The following NADSYN1 variants were observed in gnomAD, a reference collection of about 807,000 sequenced individuals.
The protein encoded by NADSYN1 is glutamine-dependent NAD(+) synthetase.
In NADSYN1, 80 loss-of-function variants were observed where a neutral mutation model predicts 99.3. That is an observed-to-expected ratio of 0.81 (90% confidence interval 0.67 to 0.97). The LOEUF is 0.97. NADSYN1 is among the 50% of genes least tolerant of loss of function. The probability of loss-of-function intolerance (pLI) is 0.00; values close to 1 mark genes in which losing one functional copy is unlikely to be tolerated. For synonymous variants in NADSYN1, 385 were observed against 372.1 expected (o/e 1.03, Z -0.40); for missense variants, 859 against 948.5 (o/e 0.91, Z 1.24).
rs76770512 is a variant in NADSYN1, at chr11:71,480,805, G to T, written c.924G>T (p.Ser308=). The change falls in exon 11 of 21, where the codon TCG becomes TCT. Residue 308 remains serine, a synonymous_variant. Transcript: ENST00000319023. ...YPRVKVDFAL[S]CHEDLLAPIS... ...GAGTGAAGGTGGACTTTGCCCTCTC[G>T]TGCCACGAGGACTTGCTGGCACCCA... 2.5e-6 allele frequency: 4 copies of T among 1,614,158 alleles called. No homozygotes were observed. The highest frequency in any genetic ancestry group is 2.2e-5 in the South Asian group (2 of 91,088).
At position 71,473,650 on chromosome 11, in the gene NADSYN1, C is replaced by A; in HGVS notation, c.630C>A (p.Asn210Lys). 1 of 1,613,162 alleles carries A rather than the reference C, an allele frequency of 6.2e-7. No individual in the cohort carries two copies. The highest frequency in any genetic ancestry group is 2.2e-5 in the East Asian group (1 of 44,884). ...SGSHQVLRKA[N>K]TRVDLVTMVT... ...GCCACCAAGTGCTGCGCAAAGCCAA[C>A]ACCAGGGTGGATCTCGTGACTATGG... The change falls in exon 8 of 21, where the codon AAC becomes AAA. Residue 210 changes from asparagine to lysine, a missense_variant. By Grantham distance (94) the Asn-to-Lys change is moderately conservative (BLOSUM62 0). Transcript: ENST00000319023.
intron 13 of NADSYN1, 114 bp downstream of exon 13, chr11:71,482,139 A>AG: frequency 1.1e-6 from 1 of 929,232 alleles, no homozygotes; most frequent in Non-Finnish European, 1.6e-6. Context: ...ATCGGGGTGA[A>AG]GGGGGCTTTG....
intron 15 of NADSYN1, 50 bp downstream of exon 15, chr11:71,484,497 C>T: frequency 8.9e-6 from 14 of 1,574,496 alleles, no homozygotes; most frequent in Middle Eastern, 1.8e-4. Context: ...GCAGGGAGCA[C>T]TGGGACAATC....
At chr11:71,494,547 T>C (rs1354859446) in intron 18 of NADSYN1, among the ~76,000 whole-genome samples, 4 of 151,892 alleles carry the variant, frequency 2.6e-5, no homozygotes, top group African/African-American at 9.7e-5. Flanking sequence ...TCTTTTGTTT[T>C]GTTTTGTTTT....
In NADSYN1 at chr11:71,473,175, A is replaced by C. The variant is rs546121848; in HGVS notation, c.460-103A>C. 1.5e-4 allele frequency: 170 copies of C among 1,121,494 alleles called. 2 individuals carry two copies. In the South Asian group the frequency reaches 2.1e-3, roughly 14 times the overall value. The allele number at this position is 1,121,494 out of a possible 1,614,324, so 69.5% of individuals were successfully genotyped here. A position where few individuals can be genotyped will look rare whatever the true frequency, so the allele number is the denominator to read the frequency against. ...CGGAATGTGCGAGAGCCCAGAGCCA[A>C]CTCCAGCTCTTGTGGCTGCAGGATG... is the stretch of plus-strand genomic sequence containing the variant. On this transcript the variant is annotated intron_variant, in intron 6 of 20. Transcript: ENST00000319023.
At position 71,481,991 on chromosome 11, in the gene NADSYN1, G is replaced by A; in HGVS notation, c.1116G>A (p.Met372Ile). The change falls in exon 13 of 21, where the codon ATG becomes ATA. Residue 372 changes from methionine (M) to isoleucine (I), a missense_variant. Physicochemically the swap from Met to Ile is conservative, Grantham distance 10. Transcript: ENST00000319023. ...CCACCGCCTGCCTCATCTACTCCAT[G>A]TGCTGCCAGGTCTGCGAGGCCGTGA... ...SAATACLIYS[M>I]CCQVCEAVRS... The A allele has an allele frequency of 6.2e-7, 1 of 1,612,606 alleles. No homozygotes were observed. Among genetic ancestry groups the A allele is most frequent in the Non-Finnish European group, 8.5e-7 (1 of 1,179,370 alleles).
chr11:71,492,001 G>GTT, intron 18 of NADSYN1, 98 bp downstream of exon 18: 1 of 1,015,614 alleles, frequency 9.8e-7, no homozygotes, highest in Non-Finnish European at 1.4e-6. Flanking sequence ...CCCCAGGACA[G>GTT]CTGCATCGCT....
rs934374377 is a variant in NADSYN1 at position 71,501,472 on chromosome 11, C to T, written c.*120C>T. 1.2e-5 allele frequency: 11 copies of T among 904,848 alleles called. No individual in the cohort carries two copies. Among genetic ancestry groups the T allele is most frequent in the South Asian group, 3.2e-5 (2 of 62,510 alleles). 56.1% of individuals were successfully genotyped at this position (904,848 alleles called of 1,614,324 possible). On this transcript the variant is annotated 3_prime_UTR_variant, in exon 21 of 21. Coordinates refer to ENST00000319023, the MANE Select transcript of NADSYN1 (RefSeq NM_018161.5). ...GCCCAGGATGGGACGGCGCATCAGC[C>T]GAGAGGGAGGGAACTTTTCAGTCAA...
rs1949641144 is a variant in NADSYN1 at position 71,473,312 on chromosome 11, C to T, written c.494C>T (p.Thr165Ile). 1 of 1,614,234 alleles carries T rather than the reference C, an allele frequency of 6.2e-7. No individual in the cohort carries two copies. The highest frequency in any genetic ancestry group is 8.5e-7 in the Non-Finnish European group (1 of 1,180,042). Residue 165 changes from threonine to isoleucine, a missense_variant, in exon 7 of 21, where the codon ACA (threonine) becomes ATA (isoleucine). Transcript: ENST00000319023. Reference sequence around the variant, plus strand: ...CCCTTCGGAGATGCGGTGCTGGTGACATGGGACACCTGCATTGGAAGTGAG... The same window carrying T: ...CCCTTCGGAGATGCGGTGCTGGTGATATGGGACACCTGCATTGGAAGTGAG... ...TVPFGDAVLVTWDTCIGSEIC... is the reference protein window; with the variant it reads ...TVPFGDAVLVIWDTCIGSEIC...
chr11:71,456,518 T>C (rs2120388516), intron 2 of NADSYN1, among the ~76,000 whole-genome samples: 1 of 152,324 alleles, frequency 6.6e-6, no homozygotes, highest in South Asian at 2.1e-4. Flanking sequence ...ATGTCCTGTC[T>C]GCTGCTTGCC....
At chr11:71,481,075 G>T in intron 11 of NADSYN1, 196 bp downstream of exon 11, 1 of 737,476 alleles carries the variant, frequency 1.4e-6, no homozygotes, top group Non-Finnish European at 2.2e-6. Flanking sequence ...CAGCCCTGCT[G>T]CTTCCCCGTG....
rs373850512 is a variant in NADSYN1 at position 71,473,629 on chromosome 11, C to A, written c.609C>A (p.His203Gln). 1.9e-6 allele frequency: 3 copies of A among 1,613,176 alleles called. No individual in the cohort carries two copies. In the African/African-American group the frequency reaches 4.0e-5, roughly 22 times the overall value. ...VEIITNASGS[H>Q]QVLRKANTRV... ...TCATCACCAACGCCTCGGGCAGCCA[C>A]CAAGTGCTGCGCAAAGCCAACACCA... The change falls in exon 8 of 21, where the codon CAC (histidine) becomes CAA (glutamine). Residue 203 changes from histidine to glutamine, a missense_variant. Transcript: ENST00000319023.
chr11:71,484,566 C>A (rs997480085), intron 15 of NADSYN1, 119 bp downstream of exon 15: 4 of 1,400,814 alleles, frequency 2.9e-6, no homozygotes, highest in Non-Finnish European at 3.8e-6. Flanking sequence ...CTCATGGCAC[C>A]GGTTACCTAG....
intron 14 of NADSYN1, among the ~76,000 whole-genome samples, chr11:71,483,662 C>T (rs1236523557): frequency 1.3e-5 from 2 of 152,306 alleles, no homozygotes; most frequent in Non-Finnish European, 2.9e-5. Flanking sequence ...AAGCTGTCCC[C>T]ATGCCCTCCA....
At chr11:71,465,612 A>G (rs1336212027) in intron 5 of NADSYN1, among the ~76,000 whole-genome samples, 1 of 152,230 alleles carries the variant, frequency 6.6e-6, no homozygotes, top group African/African-American at 2.4e-5. Flanking sequence ...GTCTCCCCAC[A>G]GATGCTCCCA....
Position 71,481,290 on chromosome 11 carries a change from G to A in NADSYN1, c.999-66G>A. On this transcript the variant is annotated intron_variant, in intron 11 of 20. Coordinates refer to ENST00000319023, the MANE Select transcript of NADSYN1 (RefSeq NM_018161.5). ...CTGCAGCCTCCTGGGGCCTGCTTGGGTGGGTTGTTGGGTGCTGTGGGCAGG... is the reference window on the plus strand; with the variant it reads ...CTGCAGCCTCCTGGGGCCTGCTTGGATGGGTTGTTGGGTGCTGTGGGCAGG... 3 of 1,545,762 alleles carry A rather than the reference G, an allele frequency of 1.9e-6. No individual in the cohort carries two copies. The South Asian group carries it at 3.4e-5, about 17-fold the overall frequency.
At chr11:71,483,875 T>C (rs12273154) in intron 14 of NADSYN1, among the ~76,000 whole-genome samples, 12,630 of 152,208 alleles carry the variant, frequency 0.083, 626 homozygotes, top group African/African-American at 0.14. Flanking sequence ...GAGTGGAGCA[T>C]GATCACATGA....
intron 3 of NADSYN1, among the ~76,000 whole-genome samples, chr11:71,461,113 G>C (rs556295865): frequency 1.3e-5 from 2 of 152,090 alleles, no homozygotes; most frequent in Admixed American, 1.3e-4. Context: ...CCATTCCCAC[G>C]TAAGGTAAAA....
intron 20 of NADSYN1, chr11:71,500,099 T>A (rs1024532886): frequency 6.6e-6 from 1 of 152,240 alleles, no homozygotes; most frequent in Admixed American, 6.5e-5. Context: ...TACACTGAGC[T>A]AGAGGACACC....
Sources: allele counts gnomAD v4.1 joint callset (sites outside exome capture counted in the v4.1 genomes callset), GRCh38; gene constraint gnomAD v4.1.1; transcripts MANE v1.5; gene names NCBI Gene and HGNC (gene_info 2026-07-23, HGNC 2026-07-21).